SDK2: variants seen among roughly 807,000 people sequenced by gnomAD.
SDK2 encodes sidekick cell adhesion molecule 2.
Under a neutral mutation model 253.9 loss-of-function variants are expected in SDK2, and 105 were observed. The ratio of observed to expected loss-of-function variants is 0.41; its 90% CI spans 0.35 to 0.49. The LOEUF is 0.49. Among genes scored for constraint, SDK2 ranks in the 20% least tolerant of loss-of-function variants. The pLI is 0.06. For synonymous variants in SDK2, 1,249 were observed against 1,234.9 expected (o/e 1.01, Z -0.24); for missense variants, 2,608 against 3,003.0 (o/e 0.87, Z 3.07).
chr17:73,358,183 A>T lies in SDK2; in HGVS notation c.5489T>A (p.Val1830Glu). Residue 1830 changes from valine to glutamate, a missense_variant, in exon 40 of 45, where the codon GTG (valine) becomes GAG (glutamate). Val to Glu is a moderately radical substitution (Grantham distance 121). This residue lies in a region of SDK2 where 1,103 missense variants were observed against 1,143.9 expected (regional missense o/e 0.96). Coordinates refer to ENST00000392650, the MANE Select transcript of SDK2 (RefSeq NM_001144952.2). ...AGAGCTGTACCGCACGATGATGGGC[A>T]CGCCAGGCGGTCCTGGGGCACCTGC... ...PGEGAPGPPG[V>E]PIIVRYSSAI... 1.2e-6 allele frequency: 2 copies of T among 1,607,452 alleles called. No individual in the cohort carries two copies. Among genetic ancestry groups the T allele is most frequent in the Non-Finnish European group, 1.7e-6 (2 of 1,178,116 alleles).
chr17:73,588,065 G>A (rs1373687489), intron 1 of SDK2, among the ~76,000 whole-genome samples: 3 of 152,090 alleles, frequency 2.0e-5, no homozygotes, highest in Admixed American at 2.0e-4. Flanking sequence ...AGCAGCACCT[G>A]GAAGCTTGTA....
Position 73,390,139 on chromosome 17 carries a change from G to A in SDK2, c.4192+148C>T, listed in dbSNP as rs1237139236. 19 of 693,798 alleles carry A rather than the reference G, an allele frequency of 2.7e-5. No homozygotes were observed. In the South Asian group the frequency reaches 3.9e-4, roughly 14 times the overall value. 43.0% of individuals were successfully genotyped at this position (693,798 alleles called of 1,614,324 possible). A position where few individuals can be genotyped will look rare whatever the true frequency, so the allele number is the denominator to read the frequency against. ...CTGGGAGTCTATTAGACCCCTTGCT[G>A]ACTTTGACTTCAGAGATTGGAGCCC... On this transcript the variant is annotated intron_variant, in intron 29 of 44. Coordinates refer to ENST00000392650, the MANE Select transcript of SDK2 (RefSeq NM_001144952.2).
chr17:73,471,225 G>T (rs1418075757), intron 3 of SDK2, among the ~76,000 whole-genome samples: 1 of 152,120 alleles, frequency 6.6e-6, no homozygotes, highest in Non-Finnish European at 1.5e-5. Flanking sequence ...TCACCATGAG[G>T]CACCTCCCAG....
At chr17:73,537,117 G>A (rs1196832579) in intron 1 of SDK2, among the ~76,000 whole-genome samples, 1 of 152,180 alleles carries the variant, frequency 6.6e-6, no homozygotes, top group Admixed American at 6.5e-5. Flanking sequence ...GCGTGCGTGC[G>A]TGTGCGGGCG....
At chr17:73,374,469 TA>T (rs1476261347) in intron 36 of SDK2, among the ~76,000 whole-genome samples, 1 of 137,920 alleles carries the variant, frequency 7.3e-6, no homozygotes, top group Non-Finnish European at 1.5e-5. Flanking sequence ...GATTTGTCGG[TA>T]ATTTTTTTTT....
intron 3 of SDK2, among the ~76,000 whole-genome samples, chr17:73,466,459 C>T (rs1008769271): frequency 3.9e-5 from 6 of 152,098 alleles, no homozygotes; most frequent in Non-Finnish European, 5.9e-5. Flanking sequence ...GGAGGTGAGT[C>T]GGGATTTAAA....
intron 1 of SDK2, among the ~76,000 whole-genome samples, chr17:73,575,715 A>G (rs1324884823): frequency 2.0e-5 from 3 of 152,150 alleles, no homozygotes; most frequent in African/African-American, 7.2e-5. Context: ...GTAATTATGG[A>G]ATTAAAGTTG....
At chr17:73,621,602 T>A (rs2046133749) in intron 1 of SDK2, among the ~76,000 whole-genome samples, 1 of 151,736 alleles carries the variant, frequency 6.6e-6, no homozygotes, top group Non-Finnish European at 1.5e-5. Flanking sequence ...ATAACTTTTT[T>A]ATACATTATA....
chr17:73,416,072 C>T, intron 16 of SDK2, 80 bp from the exon 17 acceptor site: 1 of 1,352,946 alleles, frequency 7.4e-7, no homozygotes. Context: ...CAGAGCAGCG[C>T]TGTCCAATAG....
At chr17:73,340,842 C>T (rs1298270045) in intron 44 of SDK2, among the ~76,000 whole-genome samples, 2 of 129,134 alleles carry the variant, frequency 1.5e-5, no homozygotes, top group Non-Finnish European at 3.1e-5. Flanking sequence ...CTCCCGGGTT[C>T]AAGTGATTCT....
intron 38 of SDK2, among the ~76,000 whole-genome samples, chr17:73,364,473 C>T (rs553429813): frequency 1.3e-5 from 2 of 152,214 alleles, no homozygotes; most frequent in South Asian, 4.2e-4. Flanking sequence ...GGGAGAGGCT[C>T]TGAAGCTTTG....
intron 43 of SDK2, among the ~76,000 whole-genome samples, chr17:73,349,295 C>G (rs886879213): frequency 2.0e-5 from 3 of 152,236 alleles, no homozygotes; most frequent in Non-Finnish European, 2.9e-5. Context: ...GGGAGCTCCT[C>G]CCTCCATCCT....
intron 24 of SDK2, among the ~76,000 whole-genome samples, chr17:73,396,724 T>C (rs905558557): frequency 1.4e-4 from 21 of 152,140 alleles, no homozygotes; most frequent in African/African-American, 5.1e-4. Flanking sequence ...CCCCATGCAG[T>C]CCCTGCCCTC....
At position 73,398,188 on chromosome 17, in the gene SDK2, G is replaced by A. The variant is rs2062988210; in HGVS notation, c.3204-3C>T. The stretch of plus-strand genomic sequence containing the variant: ...TGTTCACCTGGCGCATGCGGAAGCT[G>A]GGGTTGGGGAGAGATGAGCAAGATG... On this transcript the variant is annotated splice_polypyrimidine_tract_variant and splice_region_variant and intron_variant, in intron 23 of 44. Coordinates refer to ENST00000392650, the MANE Select transcript of SDK2 (RefSeq NM_001144952.2). The A allele has an allele frequency of 6.2e-7, 1 of 1,611,002 alleles. No homozygotes were observed. Among genetic ancestry groups the A allele is most frequent in the Non-Finnish European group, 8.5e-7 (1 of 1,178,414 alleles).
chr17:73,483,635 ATATATATG>A (rs1453581263), intron 2 of SDK2, among the ~76,000 whole-genome samples: 9 of 51,648 alleles, frequency 1.7e-4, no homozygotes, highest in African/African-American at 7.1e-4. Context: ...GTATATGTAT[ATATATATG>A]TGTGTGTGTG....
intron 1 of SDK2, among the ~76,000 whole-genome samples, chr17:73,573,979 C>T (rs979985310): frequency 2.0e-5 from 3 of 152,352 alleles, no homozygotes; most frequent in Admixed American, 2.0e-4. Flanking sequence ...ATGAGGACCA[C>T]TCCAGTGCCA....
rs550839376 is a variant in SDK2, at chr17:73,467,695, T to G, written c.331+4417A>C. Among the ~76,000 whole-genome samples the G allele has an allele frequency of 3.3e-5, 5 of 152,260 alleles. No individual in the cohort carries two copies. The highest frequency in any genetic ancestry group is 1.5e-5 in the Non-Finnish European group (1 of 67,998). On this transcript the variant is annotated intron_variant, in intron 3 of 44. Coordinates refer to ENST00000392650, the MANE Select transcript of SDK2 (RefSeq NM_001144952.2). This position sits in a 1 kb window ranked among gnomAD's most constrained non-coding sequence, Gnocchi z 4.1. ...TGGCTGGGTGAAACCTTCCTTAGCTTGTCAGGAACTGCGTTCTTCTCAAGG... is the reference window on the plus strand; with the variant it reads ...TGGCTGGGTGAAACCTTCCTTAGCTGGTCAGGAACTGCGTTCTTCTCAAGG...
intron 1 of SDK2, among the ~76,000 whole-genome samples, chr17:73,611,495 G>A (rs140600490): frequency 6.6e-6 from 1 of 152,226 alleles, no homozygotes; most frequent in Non-Finnish European, 1.5e-5. Flanking sequence ...CCTGGGAGAG[G>A]TGCCCTGGGG....
intron 1 of SDK2, among the ~76,000 whole-genome samples, chr17:73,580,264 A>T (rs2045516602): frequency 6.6e-6 from 1 of 152,194 alleles, no homozygotes; most frequent in Non-Finnish European, 1.5e-5. Context: ...CTCTTGGCAC[A>T]TACCAACGTG....
Sources: allele counts gnomAD v4.1 joint callset (sites outside exome capture counted in the v4.1 genomes callset), GRCh38; gene constraint gnomAD v4.1.1; regional missense constraint gnomAD v4.1.1; non-coding constraint Gnocchi (gnomAD v3.1); transcripts MANE v1.5; gene names NCBI Gene and HGNC (gene_info 2026-07-23, HGNC 2026-07-21).